The following HDAC9 variants were observed in gnomAD, a reference collection of about 807,000 sequenced individuals.
HDAC9 encodes the protein MEF-2 interacting transcription repressor (MITR) protein.
A neutral mutation model predicts 139.4 loss-of-function variants in HDAC9; 41 were observed. The observed-to-expected ratio is 0.29, with a 90% CI of 0.23 to 0.38. The LOEUF is 0.38. HDAC9 is among the 10% of genes least tolerant of loss of function. HDAC9 has a pLI of 1.00. For missense variants in HDAC9, 1,147 were observed against 1,297.0 expected (o/e 0.88, Z 1.78); for synonymous variants, 517 against 476.2 (o/e 1.09, Z -1.12).
At chr7:18,433,985 A>G (rs1790930339) in intron 1 of HDAC9, among the ~76,000 whole-genome samples, 1 of 152,204 alleles carries the variant, frequency 6.6e-6, no homozygotes, top group East Asian at 1.9e-4. Context: ...AAAAGAACTA[A>G]GCTGAAAGCA....
At chr7:18,941,262 C>CT (rs1782011806) in intron 23 of HDAC9, among the ~76,000 whole-genome samples, 1 of 151,424 alleles carries the variant, frequency 6.6e-6, no homozygotes, top group African/African-American at 2.4e-5. Context: ...TCTCCAGTTT[C>CT]TTTTTAATAA....
intron 2 of HDAC9, among the ~76,000 whole-genome samples, chr7:18,573,768 G>A (rs1032143567): frequency 7.2e-5 from 11 of 152,178 alleles, no homozygotes; most frequent in Admixed American, 2.6e-4. Context: ...ATGGGCATCC[G>A]TGTCTGGATG....
chr7:18,121,541 A>G (rs1157021770), intron 1 of HDAC9, among the ~76,000 whole-genome samples: 1 of 131,324 alleles, frequency 7.6e-6, no homozygotes, highest in African/African-American at 2.9e-5. Flanking sequence ...CCATAAGAAT[A>G]TGCAAAAAAA....
chr7:18,909,520 G>T (rs1802558520), intron 22 of HDAC9, among the ~76,000 whole-genome samples: 1 of 151,966 alleles, frequency 6.6e-6, no homozygotes. Flanking sequence ...TTTCGTAGTT[G>T]TGGGTGTTCC....
Position 18,519,147 on chromosome 7 carries a change from T to C in HDAC9, c.22+22823T>C, listed in dbSNP as rs377017495. Among the ~76,000 whole-genome samples, 12 of 152,320 alleles carry C rather than the reference T, an allele frequency of 7.9e-5. No homozygotes were observed. In the East Asian group the frequency reaches 1.3e-3, roughly 17 times the overall value. ...GCCAGCAAAAAATATAGTTTAGACA[T>C]TGTGCCTTGGAAAAATATTTCTATT... On this transcript the variant is annotated intron_variant, in intron 2 of 25. Transcript: ENST00000686413.
chr7:18,681,995 G>A (rs1454460855), intron 12 of HDAC9, among the ~76,000 whole-genome samples: 1 of 151,930 alleles, frequency 6.6e-6, no homozygotes, highest in East Asian at 1.9e-4. Flanking sequence ...TGCAAGAAAA[G>A]CCCTTACCTC....
At chr7:18,306,860 C>T (rs926674668) in intron 1 of HDAC9, among the ~76,000 whole-genome samples, 2 of 152,074 alleles carry the variant, frequency 1.3e-5, no homozygotes, top group African/African-American at 2.4e-5. Context: ...TTGCGAAACA[C>T]CCCCCACTTA....
chr7:18,879,701 TA>T (rs754293539), intron 22 of HDAC9, among the ~76,000 whole-genome samples: 2 of 152,084 alleles, frequency 1.3e-5, no homozygotes, highest in Non-Finnish European at 2.9e-5. Context: ...CCCAAAACTA[TA>T]AAAACCCTAG....
intron 2 of HDAC9, among the ~76,000 whole-genome samples, chr7:18,573,748 G>A (rs1023347146): frequency 1.3e-5 from 2 of 152,172 alleles, no homozygotes; most frequent in African/African-American, 2.4e-5. Flanking sequence ...TACTGCACGC[G>A]GCTTCTGCTA....
chr7:18,440,734 A>G (rs1791679385), intron 1 of HDAC9, among the ~76,000 whole-genome samples: 1 of 152,204 alleles, frequency 6.6e-6, no homozygotes, highest in Admixed American at 6.5e-5. Flanking sequence ...AAAAAGACAT[A>G]TACAGATGCT....
At chr7:18,153,275 C>CT (rs1786916625) in intron 1 of HDAC9, among the ~76,000 whole-genome samples, 1 of 152,152 alleles carries the variant, frequency 6.6e-6, no homozygotes, top group African/African-American at 2.4e-5. Flanking sequence ...CAGAGATTTG[C>CT]TGAAAATGAA....
At chr7:18,362,019 CT>C (rs1171091042) in intron 1 of HDAC9, among the ~76,000 whole-genome samples, 1 of 152,208 alleles carries the variant, frequency 6.6e-6, no homozygotes, top group Non-Finnish European at 1.5e-5. Context: ...GGCTAACTTA[CT>C]GCTTTCCCTG....
chr7:18,979,147 G>A lies in HDAC9; in HGVS notation c.3170+3194G>A, dbSNP rs562637051. On this transcript the variant is annotated intron_variant, in intron 25 of 25. Coordinates refer to ENST00000686413, the MANE Select transcript of HDAC9 (RefSeq NM_178425.4). ...GTCATTAGATAATACAGAAACATGAGAAAACATATTATTCAAAGTCTGACC... is the reference window on the plus strand; with the variant it reads ...GTCATTAGATAATACAGAAACATGAAAAAACATATTATTCAAAGTCTGACC... Among the ~76,000 whole-genome samples the A allele has an allele frequency of 2.0e-4, 31 of 152,192 alleles. No homozygotes were observed. The East Asian group carries it at 5.8e-3, about 28-fold the overall frequency.
intron 1 of HDAC9, among the ~76,000 whole-genome samples, chr7:18,434,610 C>G (rs949543158): frequency 3.3e-5 from 5 of 152,166 alleles, no homozygotes; most frequent in African/African-American, 1.2e-4. Flanking sequence ...CAAAAGAACA[C>G]AAACCCATGA....
intron 2 of HDAC9, chr7:18,162,607 T>C (rs1217802947): frequency 8.1e-6 from 4 of 493,672 alleles, no homozygotes; most frequent in East Asian, 3.7e-5. Context: ...CAAGGTAACA[T>C]TCAGATTGAA....
chr7:18,878,414 T>C (rs1277596886), intron 22 of HDAC9, among the ~76,000 whole-genome samples: 1 of 152,188 alleles, frequency 6.6e-6, no homozygotes, highest in African/African-American at 2.4e-5. Context: ...ATGTTCCTTT[T>C]ATAAACATGT....
intron 1 of HDAC9, among the ~76,000 whole-genome samples, chr7:18,088,517 A>G (rs1562605423): frequency 6.6e-6 from 1 of 152,230 alleles, no homozygotes; most frequent in Non-Finnish European, 1.5e-5. Context: ...ACCTTATGAC[A>G]TTTGAAAAGG....
At chr7:18,929,881 G>A (rs530110112) in intron 22 of HDAC9, among the ~76,000 whole-genome samples, 8 of 151,978 alleles carry the variant, frequency 5.3e-5, no homozygotes, top group Non-Finnish European at 1.0e-4. Flanking sequence ...GGAGGTTGCA[G>A]TGAGCTGAGA....
At chr7:18,410,487 A>G (rs1788443222) in intron 1 of HDAC9, among the ~76,000 whole-genome samples, 1 of 152,198 alleles carries the variant, frequency 6.6e-6, no homozygotes, top group Non-Finnish European at 1.5e-5. Context: ...GAGCGTGACA[A>G]TTGTGTGCAT....
Sources: gnomAD v4.1 joint callset for allele counts (sites outside exome capture counted in the v4.1 genomes callset) on GRCh38, gnomAD v4.1.1 for gene constraint, MANE v1.5 for transcripts, NCBI Gene and HGNC (gene_info 2026-07-23, HGNC 2026-07-21) for gene names.